Variants in GTPBP4 observed in about 807,000 individuals in gnomAD.
GTPBP4 encodes the protein GTP-binding protein 4.
GTPBP4 carries 15 observed loss-of-function variants against 81.7 expected under a neutral mutation model. The observed-to-expected ratio is 0.18, with a 90% CI of 0.12 to 0.28. GTPBP4 has a LOEUF of 0.28. Among genes scored for constraint, GTPBP4 ranks in the 10% least tolerant of loss-of-function variants. GTPBP4 has a pLI of 1.00. For missense variants in GTPBP4, 847 were observed against 793.8 expected, an observed-to-expected ratio of 1.07 and a Z score of -0.81; for synonymous variants, 272 against 274.6, an observed-to-expected ratio of 0.99 and a Z score of 0.09.
rs572737045 is a variant in GTPBP4 at position 997,855 on chromosome 10, A to G, written c.561+547A>G. Among the ~76,000 whole-genome samples the G allele has an allele frequency of 1.3e-3, 205 of 152,052 alleles. 1 individual carries two copies. The highest frequency in any genetic ancestry group is 4.8e-3 in the African/African-American group (199 of 41,448). ...GTGGTCTAGTAGAGGGACGGTGCCG[A>G]GTCGCTCTTTCCCTGGGTGAGCTCA... On this transcript the variant is annotated intron_variant, in intron 5 of 16. Transcript: ENST00000360803.
At chr10:1,003,224 G>C (rs1281873012) in intron 8 of GTPBP4, among the ~76,000 whole-genome samples, 1 of 152,048 alleles carries the variant, frequency 6.6e-6, no homozygotes, top group Non-Finnish European at 1.5e-5. Flanking sequence ...GAATTCTTCA[G>C]CTACAGGATT....
intron 1 of GTPBP4, among the ~76,000 whole-genome samples, chr10:990,190 A>G (rs921792650): frequency 2.6e-5 from 4 of 152,196 alleles, no homozygotes; most frequent in Non-Finnish European, 5.9e-5. Flanking sequence ...ATTATACACC[A>G]TCCGTCTTCT....
rs771794876 is a variant in GTPBP4, at chr10:1,010,464, C to G, written c.1288C>G (p.Pro430Ala). ...TTTGTCTGAAAAACATGATAAGATACCAGAAATCTGGGAAGGCCATAATAT... is the reference window on the plus strand; with the variant it reads ...TTTGTCTGAAAAACATGATAAGATAGCAGAAATCTGGGAAGGCCATAATAT... Reference protein sequence around the residue: ...MNLSEKHDKIPEIWEGHNIAD... With the variant: ...MNLSEKHDKIAEIWEGHNIAD... Residue 430 changes from proline to alanine, a missense_variant, in exon 13 of 17, where the codon CCA becomes GCA. By Grantham distance (27) the Pro-to-Ala change is conservative. Around this residue, in one of 3 missense-constraint regions of GTPBP4, gnomAD observed 600 missense variants for 557.1 expected, o/e 1.08. Transcript: ENST00000360803. 6.3e-6 allele frequency: 10 copies of G among 1,584,322 alleles called. No individual in the cohort carries two copies. The highest frequency in any genetic ancestry group is 2.7e-5 in the African/African-American group (2 of 74,310).
chr10:1,016,117 G>A (rs962401990), intron 16 of GTPBP4, among the ~76,000 whole-genome samples: 1 of 152,180 alleles, frequency 6.6e-6, no homozygotes, highest in Non-Finnish European at 1.5e-5. Flanking sequence ...TTGGCACTTT[G>A]CTTTTGCGGA....
intron 8 of GTPBP4, 55 bp downstream of exon 8, chr10:1,001,068 C>G: frequency 8.2e-7 from 1 of 1,226,262 alleles, no homozygotes; most frequent in Admixed American, 1.7e-5. Context: ...GAATTCTCAT[C>G]TCAGACAACC....
chr10:992,613 A>G lies in GTPBP4; in HGVS notation c.173A>G (p.Tyr58Cys). 1 of 1,606,650 alleles carries G rather than the reference A, an allele frequency of 6.2e-7. No individual in the cohort carries two copies. Among genetic ancestry groups the G allele is most frequent in the Non-Finnish European group, 8.5e-7 (1 of 1,173,986 alleles). Residue 58 changes from tyrosine (Y) to cysteine (C), a missense_variant, in exon 2 of 17, where the codon TAC becomes TGC. Transcript: ENST00000360803. ...MRKVKFTQQNYHDRLSQILTD... is the reference protein window; with the variant it reads ...MRKVKFTQQNCHDRLSQILTD... ...AAAGTCAAATTTACTCAACAGAATT[A>G]CCATGATAGACTTTCACAAATTCTA...
Position 1,018,013 on chromosome 10 carries a change from GAC to G in GTPBP4, c.*792_*793del, listed in dbSNP as rs1832020570. ...GTCCGTGTGCTCCTGGAGCTCCAAA[GAC>G]ACACAGGGGTCCAAGAGCCACCACG... On this transcript the variant is annotated 3_prime_UTR_variant, in exon 17 of 17. Coordinates refer to ENST00000360803, the MANE Select transcript of GTPBP4 (RefSeq NM_012341.3). 6.6e-6 allele frequency: 1 copy of G among 152,218 alleles called. No individual in the cohort carries two copies. Among genetic ancestry groups the G allele is most frequent in the South Asian group, 2.1e-4 (1 of 4,826 alleles). The allele number at this position is 152,218 out of a possible 1,614,324, so 9.4% of individuals were successfully genotyped here.
chr10:996,849 C>T (rs1296827869), intron 4 of GTPBP4: 7 of 217,820 alleles, frequency 3.2e-5, no homozygotes, highest in South Asian at 7.4e-5. Context: ...GTAGCCCAAA[C>T]GGCATGGCCT....
chr10:995,331 G>C (rs1261214913), intron 2 of GTPBP4, among the ~76,000 whole-genome samples: 2 of 152,076 alleles, frequency 1.3e-5, no homozygotes, highest in African/African-American at 4.8e-5. Context: ...CAGGCAGGAT[G>C]CATGGCCAGC....
In GTPBP4 at chr10:995,976, G is replaced by A. The variant is rs1564466018; in HGVS notation, c.267G>A (p.Lys89=). 2 of 1,612,308 alleles carry A rather than the reference G, an allele frequency of 1.2e-6. No individual in the cohort carries two copies. Among genetic ancestry groups the A allele is most frequent in the Non-Finnish European group, 1.7e-6 (2 of 1,178,338 alleles). The change falls in exon 3 of 17, where the codon AAG becomes AAA. Residue 89 remains lysine (K), a synonymous_variant. Coordinates refer to ENST00000360803, the MANE Select transcript of GTPBP4 (RefSeq NM_012341.3). ...ATTTGATGAATATTCTCTACGACAA[G>A]GATCATTACAAGTTGGCTCTGGGGC... ...YADLMNILYD[K]DHYKLALGQI... is the part of the protein sequence containing the mutation.
At chr10:1,011,927 C>T (rs1831883809) in intron 13 of GTPBP4, among the ~76,000 whole-genome samples, 1 of 152,276 alleles carries the variant, frequency 6.6e-6, no homozygotes, top group Admixed American at 6.5e-5. Context: ...GGCCTGGCCC[C>T]CGTCTCACCC....
At chr10:1,011,097 A>C (rs1176166744) in intron 13 of GTPBP4, among the ~76,000 whole-genome samples, 2 of 56,452 alleles carry the variant, frequency 3.5e-5, no homozygotes, top group African/African-American at 1.4e-4. Context: ...TGCCTCCTGC[A>C]CCTCTTCCCC....
intron 10 of GTPBP4, among the ~76,000 whole-genome samples, chr10:1,008,645 A>G (rs137939474): frequency 7.2e-4 from 109 of 152,280 alleles, no homozygotes; most frequent in Non-Finnish European, 1.3e-3. Context: ...TTCTTCTTCC[A>G]TAATTTTTCA....
rs999127846 is a variant in GTPBP4, at chr10:1,011,239, A to G, written c.1344+719A>G. 4.0e-5 allele frequency among the ~76,000 whole-genome samples: 6 copies of G among 151,330 alleles called. 1 individual carries two copies. In the South Asian group the frequency reaches 1.3e-3, roughly 32 times the overall value. The stretch of plus-strand genomic sequence containing the variant: ...CCCTTAATGGACTCTGCTGTGCTGG[A>G]CCCTCTTCCTTGGGGGCTCCGCTGT... On this transcript the variant is annotated intron_variant, in intron 13 of 16. Transcript: ENST00000360803.
At chr10:1,013,329 G>A (rs1831915056) in intron 14 of GTPBP4, among the ~76,000 whole-genome samples, 1 of 151,214 alleles carries the variant, frequency 6.6e-6, no homozygotes, top group Non-Finnish European at 1.5e-5. Context: ...GACTCTTTAG[G>A]CCGGGCGCAG....
chr10:1,013,558 C>T (rs1195615951), intron 14 of GTPBP4, among the ~76,000 whole-genome samples: 3 of 151,934 alleles, frequency 2.0e-5, no homozygotes, highest in Non-Finnish European at 2.9e-5. Context: ...TGCAGTGAGC[C>T]GAGATTGTGC....
At chr10:1,016,969 G>A in intron 16 of GTPBP4, 106 bp from the exon 17 acceptor site, 1 of 834,636 alleles carries the variant, frequency 1.2e-6, no homozygotes, top group Non-Finnish European at 1.9e-6. Flanking sequence ...TCTCTTCGCT[G>A]AGCAGACCTG....
intron 1 of GTPBP4, 90 bp from the exon 2 acceptor site, chr10:992,399 C>CA (rs545128429): frequency 0.17 from 98,345 of 563,316 alleles, 875 homozygotes; most frequent in Middle Eastern, 0.2. Flanking sequence ...GACTCTGTCT[C>CA]AAAAAAAAAA....
At chr10:988,721 C>G (rs531422304) in intron 1 of GTPBP4, 194 bp downstream of exon 1, 93 of 594,050 alleles carry the variant, frequency 1.6e-4, no homozygotes, top group African/African-American at 1.3e-3. Context: ...CACCAGAGAT[C>G]GGATCCCCCA....
Sources: allele counts gnomAD v4.1 joint callset (sites outside exome capture counted in the v4.1 genomes callset), GRCh38; gene constraint gnomAD v4.1.1; regional missense constraint gnomAD v4.1.1; transcripts MANE v1.5; gene names NCBI Gene and HGNC (gene_info 2026-07-23, HGNC 2026-07-21).